MICAL3: variants seen among roughly 807,000 people sequenced by gnomAD.
MICAL3 encodes the protein microtubule associated monooxygenase, calponin and LIM domain containing 3.
MICAL3 carries 62 observed loss-of-function variants against 207.4 expected under a neutral mutation model. That is an observed-to-expected ratio of 0.30 (90% CI 0.24 to 0.37). MICAL3 has a LOEUF of 0.37. Among genes scored for constraint, MICAL3 ranks in the 10% least tolerant of loss-of-function variants. MICAL3 has a pLI of 1.00. For synonymous variants in MICAL3, 1,077 were observed against 1,069.3 expected, an observed-to-expected ratio of 1.01 and a Z score of -0.14; for missense variants, 2,368 against 2,635.6, an observed-to-expected ratio of 0.90 and a Z score of 2.22.
chr22:17,892,159 G>C (rs1115123), intron 11 of MICAL3, among the ~76,000 whole-genome samples: 31,401 of 152,126 alleles, frequency 0.21, 3,304 homozygotes, highest in East Asian at 0.27. Context: ...AAGAAGCCCT[G>C]CAGGGCTCCG....
chr22:17,816,876 C>G (rs976224404), intron 26 of MICAL3, 92 bp from the exon 27 acceptor site: 1 of 927,136 alleles, frequency 1.1e-6, no homozygotes, highest in Non-Finnish European at 1.7e-6. Flanking sequence ...CCAAGGAGGC[C>G]GGGTGGGGGG....
At chr22:17,801,925 C>A (rs113790799) in intron 29 of MICAL3, among the ~76,000 whole-genome samples, 1,624 of 151,874 alleles carry the variant, frequency 0.011, 15 homozygotes, top group Middle Eastern at 0.048. Context: ...ACAACAACAA[C>A]AAAAAACCCA....
intron 12 of MICAL3, among the ~76,000 whole-genome samples, chr22:17,890,478 T>A (rs1164351093): frequency 6.6e-6 from 1 of 152,120 alleles, no homozygotes; most frequent in African/African-American, 2.4e-5. Flanking sequence ...CCCCCTTTCT[T>A]TGGCAGGAGT....
intron 7 of MICAL3, among the ~76,000 whole-genome samples, chr22:17,897,437 A>G (rs1240643995): frequency 1.3e-5 from 2 of 151,514 alleles, no homozygotes; most frequent in African/African-American, 4.9e-5. Context: ...AAAAAAAAAA[A>G]AAAAAAAAGA....
At chr22:17,911,625 G>A (rs1247497281) in intron 1 of MICAL3, among the ~76,000 whole-genome samples, 1 of 152,154 alleles carries the variant, frequency 6.6e-6, no homozygotes, top group Non-Finnish European at 1.5e-5. Context: ...TTGAGCCCAG[G>A]AGTTCAAGAC....
rs1921714169 is a variant in MICAL3 at position 17,822,150 on chromosome 22, G to A, written c.3328C>T (p.Pro1110Ser). Reference protein sequence around the residue: ...LDDDQHWSDSPSDADRELRLP... With the variant: ...LDDDQHWSDSSSDADRELRLP... ...CGCAGCTCTCTGTCAGCATCCGACGGGCTGTCAGACCAGTGCTGATCTGGC... is the reference window on the plus strand; with the variant it reads ...CGCAGCTCTCTGTCAGCATCCGACGAGCTGTCAGACCAGTGCTGATCTGGC... Residue 1110 changes from proline (P) to serine (S), a missense_variant, in exon 24 of 32, where the codon CCG becomes TCG. Coordinates refer to ENST00000441493, the MANE Select transcript of MICAL3 (RefSeq NM_015241.3). The A allele has an allele frequency of 1.2e-6, 2 of 1,613,658 alleles. No individual in the cohort carries two copies. The highest frequency in any genetic ancestry group is 1.7e-6 in the Non-Finnish European group (2 of 1,179,900).
At chr22:17,800,762 C>T (rs962790055) in intron 29 of MICAL3, among the ~76,000 whole-genome samples, 1 of 152,048 alleles carries the variant, frequency 6.6e-6, no homozygotes, top group African/African-American at 2.4e-5. Context: ...GATGCAGGCA[C>T]AGAGGGGCAA....
intron 1 of MICAL3, chr22:18,001,384 C>G (rs977196236): frequency 6.6e-6 from 1 of 152,266 alleles, no homozygotes; most frequent in Non-Finnish European, 1.5e-5. Context: ...CCCGAAGCCC[C>G]GTTCTTACCT....
At position 17,865,944 on chromosome 22, in the gene MICAL3, C is replaced by G. The variant is rs760954898; in HGVS notation, c.2497G>C (p.Val833Leu). The G allele has an allele frequency of 7.4e-6, 12 of 1,613,754 alleles. No homozygotes were observed. In the African/African-American group the frequency reaches 1.1e-4, roughly 14 times the overall value. ...SGYAQRKRPA[V>L]APLSGKEAKG... is the part of the protein sequence containing the mutation. ...ATTACCTTTCCAGACAGGGGAGCCACTGCCGGTCTCTTCCTTTGTGCGTAG... is the reference window on the plus strand; with the variant it reads ...ATTACCTTTCCAGACAGGGGAGCCAGTGCCGGTCTCTTCCTTTGTGCGTAG... The change falls in exon 18 of 32, where the codon GTG (valine) becomes CTG (leucine). Residue 833 changes from valine (V) to leucine (L), a missense_variant. Transcript: ENST00000441493.
chr22:17,887,368 GA>G lies in MICAL3; in HGVS notation c.1958del (p.Phe653SerfsTer2). 1.9e-6 allele frequency: 3 copies of G among 1,614,018 alleles called. No homozygotes were observed. The highest frequency in any genetic ancestry group is 2.5e-6 in the Non-Finnish European group (3 of 1,179,884). On this transcript the variant is annotated frameshift_variant, in exon 14 of 32. Coordinates refer to ENST00000441493, the MANE Select transcript of MICAL3 (RefSeq NM_015241.3). LOFTEE classifies it high-confidence loss of function. ...LIASTRSPIS[F>X]LSKLGQTISR... ...AGATGGTCTGGCCAAGTTTGCTTAG[GA>G]AGGAGATAGGGGATCTGGTGCTGGC... is the stretch of plus-strand genomic sequence containing the variant.
At chr22:17,858,263 G>C (rs148240698) in intron 19 of MICAL3, among the ~76,000 whole-genome samples, 1 of 152,314 alleles carries the variant, frequency 6.6e-6, no homozygotes, top group Admixed American at 6.5e-5. Context: ...TGAGAATTCC[G>C]GGCGGTGGTG....
chr22:17,979,611 A>T (rs1165761121), intron 1 of MICAL3, among the ~76,000 whole-genome samples: 1 of 152,124 alleles, frequency 6.6e-6, no homozygotes, highest in African/African-American at 2.4e-5. Context: ...AGATTTCATT[A>T]GAGGAATTCC....
At chr22:17,897,530 A>T (rs180832217) in intron 7 of MICAL3, among the ~76,000 whole-genome samples, 106 of 152,052 alleles carry the variant, frequency 7.0e-4, no homozygotes, top group Admixed American at 6.9e-3. Context: ...ATTTGCTTGG[A>T]ACAATGACTA....
chr22:17,925,489 C>T (rs527962793), intron 1 of MICAL3, among the ~76,000 whole-genome samples: 1 of 152,230 alleles, frequency 6.6e-6, no homozygotes, highest in South Asian at 2.1e-4. Flanking sequence ...GATTATGGTT[C>T]AGTCAGTTTT....
intron 19 of MICAL3, chr22:17,842,624 A>C (rs1924150518): frequency 6.4e-6 from 1 of 157,150 alleles, no homozygotes; most frequent in African/African-American, 2.4e-5. Flanking sequence ...TGCTCAGAGG[A>C]AGGACACCAG....
intron 29 of MICAL3, among the ~76,000 whole-genome samples, chr22:17,797,482 C>A (rs549354497): frequency 6.6e-6 from 1 of 152,110 alleles, no homozygotes; most frequent in South Asian, 2.1e-4. Flanking sequence ...TGAGTGAGAC[C>A]CTATCTCTAA....
intron 27 of MICAL3, 52 bp from the exon 28 acceptor site, chr22:17,810,865 A>G (rs2062040782): frequency 6.8e-7 from 1 of 1,480,212 alleles, no homozygotes; most frequent in African/African-American, 1.4e-5. Flanking sequence ...GGCCTGGGAC[A>G]GGGGTGGGCA....
chr22:17,979,791 A>C (rs35325317), intron 1 of MICAL3, among the ~76,000 whole-genome samples: 40,482 of 150,454 alleles, frequency 0.27, 5,840 homozygotes, highest in African/African-American at 0.37. Context: ...AAACAAAAAA[A>C]AACAAAAAAA....
At chr22:17,893,489 C>T (rs537380988) in intron 11 of MICAL3, among the ~76,000 whole-genome samples, 3 of 152,254 alleles carry the variant, frequency 2.0e-5, no homozygotes, top group Non-Finnish European at 4.4e-5. Context: ...CCCTCTGCCC[C>T]GCGTCTGTAC....
Sources: gnomAD v4.1 joint callset for allele counts (sites outside exome capture counted in the v4.1 genomes callset) on GRCh38, gnomAD v4.1.1 for gene constraint, MANE v1.5 for transcripts, NCBI Gene and HGNC (gene_info 2026-07-23, HGNC 2026-07-21) for gene names.